KCTD1: variants seen among roughly 807,000 people sequenced by gnomAD.
The protein encoded by KCTD1 is BTB/POZ domain-containing protein KCTD1.
Under a neutral mutation model 66.0 loss-of-function variants are expected in KCTD1, and 24 were observed. That is an observed-to-expected ratio of 0.36 (90% CI 0.26 to 0.51). KCTD1 has a LOEUF of 0.51. Among genes scored for constraint, KCTD1 ranks in the 20% least tolerant of loss-of-function variants. The pLI is 0.95. For missense variants in KCTD1, 943 were observed against 1,205.2 expected, an observed-to-expected ratio of 0.78 and a Z score of 3.22; for synonymous variants, 511 against 517.2, an observed-to-expected ratio of 0.99 and a Z score of 0.16.
intron 2 of KCTD1, among the ~76,000 whole-genome samples, chr18:26,487,264 G>A (rs1981967788): frequency 6.6e-6 from 1 of 152,212 alleles, no homozygotes; most frequent in Non-Finnish European, 1.5e-5. Flanking sequence ...GCCTTGCAAT[G>A]ACAAAGTCAA....
chr18:26,569,913 G>T (rs1986064400), intron 1 of KCTD1, among the ~76,000 whole-genome samples: 1 of 152,196 alleles, frequency 6.6e-6, no homozygotes, highest in Admixed American at 6.5e-5. Flanking sequence ...TAGGCCGGGT[G>T]CAGTGGCTCA....
At chr18:26,606,781 T>C (rs891019007) in intron 1 of KCTD1, among the ~76,000 whole-genome samples, 3 of 152,208 alleles carry the variant, frequency 2.0e-5, no homozygotes, top group African/African-American at 7.2e-5. Flanking sequence ...ATGGCTTAGG[T>C]GACACATAGA....
intron 1 of KCTD1, among the ~76,000 whole-genome samples, chr18:26,518,033 G>A (rs758231936): frequency 6.6e-6 from 1 of 152,218 alleles, no homozygotes; most frequent in South Asian, 2.1e-4. Context: ...TCTACCTGCA[G>A]GCTCTGCAGG....
intron 1 of KCTD1, among the ~76,000 whole-genome samples, chr18:26,570,367 A>G (rs1444610475): frequency 6.6e-6 from 1 of 151,928 alleles, no homozygotes; most frequent in African/African-American, 2.4e-5. Flanking sequence ...ACTCCATTCT[A>G]TCTAAGGATG....
chr18:26,574,907 T>C (rs1373950537), intron 1 of KCTD1, among the ~76,000 whole-genome samples: 1 of 152,192 alleles, frequency 6.6e-6, no homozygotes, highest in African/African-American at 2.4e-5. Context: ...CCCTCAATTA[T>C]AGTGATATCT....
intron 1 of KCTD1, among the ~76,000 whole-genome samples, chr18:26,620,574 C>G (rs1987358469): frequency 6.6e-6 from 1 of 150,744 alleles, no homozygotes; most frequent in South Asian, 2.1e-4. Context: ...GTAGCTGGGA[C>G]TAAGGCATGC....
chr18:26,505,031 C>A (rs1384901121), intron 1 of KCTD1, among the ~76,000 whole-genome samples: 1 of 152,250 alleles, frequency 6.6e-6, no homozygotes, highest in Admixed American at 6.5e-5. Flanking sequence ...CTCAGCCTCC[C>A]ACCTCTAGAT....
Position 26,459,633 on chromosome 18 carries a change from A to G in KCTD1, c.2426T>C (p.Leu809Pro). 1 of 1,596,488 alleles carries G rather than the reference A, an allele frequency of 6.3e-7. No homozygotes were observed. The highest frequency in any genetic ancestry group is 8.6e-7 in the Non-Finnish European group (1 of 1,168,916). Residue 809 changes from leucine to proline, a missense_variant, in exon 4 of 5, where the codon CTC (leucine) becomes CCC (proline). By Grantham distance (98) the Leu-to-Pro change is moderately conservative. Coordinates refer to ENST00000580059, the MANE Select transcript of KCTD1 (RefSeq NM_001142730.3). ...ACAATGCTATACCTGGACTGAGTTG[A>G]GGTGACAGTAGCCATTTAGTGGAAA... ...IRFPLNGYCH[L>P]NSVQVLERLQ...
chr18:26,466,815 A>G (rs982143343), intron 3 of KCTD1, among the ~76,000 whole-genome samples: 22 of 152,318 alleles, frequency 1.4e-4, no homozygotes, highest in African/African-American at 5.1e-4. Context: ...TAAACCCATC[A>G]TGTCTTTAGA....
At chr18:26,532,198 T>C (rs1984466096) in intron 1 of KCTD1, among the ~76,000 whole-genome samples, 1 of 152,054 alleles carries the variant, frequency 6.6e-6, no homozygotes, top group African/African-American at 2.4e-5. Flanking sequence ...AGGAAAGAGA[T>C]TCTGAGTCTA....
At chr18:26,556,401 A>G (rs2144866484) in intron 1 of KCTD1, among the ~76,000 whole-genome samples, 1 of 152,328 alleles carries the variant, frequency 6.6e-6, no homozygotes, top group African/African-American at 2.4e-5. Flanking sequence ...CCCAGGGGTC[A>G]CATGGTGTCA....
At chr18:26,536,904 C>T (rs1206132212) in intron 1 of KCTD1, among the ~76,000 whole-genome samples, 1 of 151,204 alleles carries the variant, frequency 6.6e-6, no homozygotes, top group Non-Finnish European at 1.5e-5. Context: ...TCTATGACTC[C>T]ATGATCCTTT....
At chr18:26,543,083 C>T (rs1388933160) in intron 1 of KCTD1, 1 of 152,138 alleles carries the variant, frequency 6.6e-6, no homozygotes, top group African/African-American at 2.4e-5. Flanking sequence ...ACTCCTGGTA[C>T]AAAAGCCAAA....
At chr18:26,537,372 C>T (rs1984758221) in intron 1 of KCTD1, among the ~76,000 whole-genome samples, 1 of 152,144 alleles carries the variant, frequency 6.6e-6, no homozygotes, top group Admixed American at 6.5e-5. Flanking sequence ...AACCCAAAAA[C>T]CTATTCCATA....
intron 1 of KCTD1, among the ~76,000 whole-genome samples, chr18:26,511,292 G>A (rs905493043): frequency 3.3e-5 from 5 of 152,176 alleles, no homozygotes; most frequent in South Asian, 2.1e-4. Context: ...AAGGGAGCTC[G>A]TATTCAGCTG....
At chr18:26,530,769 A>T (rs1984397223) in intron 1 of KCTD1, among the ~76,000 whole-genome samples, 1 of 152,248 alleles carries the variant, frequency 6.6e-6, no homozygotes, top group African/African-American at 2.4e-5. Flanking sequence ...GTAGGTATGT[A>T]ACAACTATTT....
chr18:26,590,511 G>A (rs966718200), intron 1 of KCTD1, among the ~76,000 whole-genome samples: 7 of 152,066 alleles, frequency 4.6e-5, no homozygotes, highest in East Asian at 1.9e-4. Context: ...TAGAAAGGTC[G>A]CTGATCAAGC....
chr18:26,476,414 G>T lies in KCTD1; in HGVS notation c.2133+101C>A, dbSNP rs16942351. The T allele has an allele frequency of 1.6e-3, 1,824 of 1,106,768 alleles. 26 individuals carry two copies. In the African/African-American group the frequency reaches 0.026, roughly 16 times the overall value. The allele number at this position is 1,106,768 out of a possible 1,614,324, so 68.6% of individuals were successfully genotyped here. On this transcript the variant is annotated intron_variant, in intron 3 of 4. Transcript: ENST00000580059. The surrounding 1 kb of genome is among the most constrained non-coding windows in gnomAD (Gnocchi z 4.9). ...GTCAAAGAGAACTCTGGCACCTTTC[G>T]AGTTGGTGTATGTTAATAATGTAGA...
At chr18:26,621,786 A>C (rs532495605) in intron 1 of KCTD1, among the ~76,000 whole-genome samples, 2 of 152,218 alleles carry the variant, frequency 1.3e-5, no homozygotes, top group Admixed American at 6.5e-5. Flanking sequence ...CAGTGTCATC[A>C]TGCATTCCAG....
Sources: allele counts gnomAD v4.1 joint callset (sites outside exome capture counted in the v4.1 genomes callset), GRCh38; gene constraint gnomAD v4.1.1; non-coding constraint Gnocchi (gnomAD v3.1); transcripts MANE v1.5; gene names NCBI Gene and HGNC (gene_info 2026-07-23, HGNC 2026-07-21).